CNGB3: variants seen among roughly 807,000 people sequenced by gnomAD.
The protein encoded by CNGB3 is cyclic nucleotide-gated channel beta-3.
CNGB3 carries 86 observed loss-of-function variants against 92.8 expected under a neutral mutation model. That is an observed-to-expected ratio of 0.93 (90% CI 0.78 to 1.11). The LOEUF is 1.11. Among genes scored for constraint, CNGB3 ranks in the 50% least tolerant of loss-of-function variants. The pLI is 0.00. For synonymous variants in CNGB3, 333 were observed against 332.7 expected, an observed-to-expected ratio of 1.00 and a Z score of -0.01; for missense variants, 1,026 against 956.8, an observed-to-expected ratio of 1.07 and a Z score of -0.95.
chr8:86,605,314 T>C (rs571774964), intron 14 of CNGB3, among the ~76,000 whole-genome samples: 64 of 152,336 alleles, frequency 4.2e-4, no homozygotes, highest in African/African-American at 1.5e-3. Context: ...AAAGAATAGA[T>C]GTCTTACAAG....
At chr8:86,639,188 T>C (rs1462943257) in intron 10 of CNGB3, among the ~76,000 whole-genome samples, 1 of 151,990 alleles carries the variant, frequency 6.6e-6, no homozygotes, top group African/African-American at 2.4e-5. Context: ...CATTAGGGAC[T>C]GGGACTGTGG....
At chr8:86,676,389 C>T (rs899776039) in intron 3 of CNGB3, among the ~76,000 whole-genome samples, 2 of 152,046 alleles carry the variant, frequency 1.3e-5, no homozygotes, top group African/African-American at 4.8e-5. Context: ...GGGTGTTCAT[C>T]GCTGCCTAAT....
intron 13 of CNGB3, among the ~76,000 whole-genome samples, chr8:86,613,635 T>C (rs907059067): frequency 1.3e-5 from 2 of 152,074 alleles, no homozygotes; most frequent in Admixed American, 1.3e-4. Flanking sequence ...TGATCAGAAA[T>C]AGAAGATCTC....
chr8:86,724,188 TA>T (rs1406569847), intron 3 of CNGB3, among the ~76,000 whole-genome samples: 1 of 152,086 alleles, frequency 6.6e-6, no homozygotes. Flanking sequence ...AAATAACACT[TA>T]AAAAAAGTCT....
intron 15 of CNGB3, among the ~76,000 whole-genome samples, chr8:86,587,508 T>C (rs1247873041): frequency 5.9e-5 from 9 of 152,202 alleles, no homozygotes; most frequent in Admixed American, 5.9e-4. Flanking sequence ...TTGAATTGAT[T>C]TTTATATAAG....
chr8:86,694,071 G>A (rs1162271004), intron 3 of CNGB3, among the ~76,000 whole-genome samples: 21 of 1,972 alleles, frequency 0.011, no homozygotes, highest in South Asian at 0.027. Flanking sequence ...TGGCCGGGCG[G>A]GGGGGCTGAC....
At chr8:86,604,285 A>T in intron 14 of CNGB3, 74 bp from the exon 15 acceptor site, 1 of 987,598 alleles carries the variant, frequency 1.0e-6, no homozygotes, top group African/African-American at 1.6e-5. Context: ...AAGAAATATA[A>T]ATTCTTTTAG....
chr8:86,713,978 G>C (rs917131615), intron 3 of CNGB3, among the ~76,000 whole-genome samples: 8 of 152,058 alleles, frequency 5.3e-5, no homozygotes, highest in African/African-American at 1.9e-4. Flanking sequence ...TCCCCCAAGA[G>C]AGTGGTACCT....
chr8:86,679,534 CT>C (rs59211727), intron 3 of CNGB3, among the ~76,000 whole-genome samples: 93,862 of 150,770 alleles, frequency 0.62, 30,882 homozygotes, highest in South Asian at 0.87. Context: ...TTTTCTTTTT[CT>C]TTTTTTTTGA....
chr8:86,703,189 A>G (rs1824586911), intron 3 of CNGB3, among the ~76,000 whole-genome samples: 1 of 152,102 alleles, frequency 6.6e-6, no homozygotes, highest in African/African-American at 2.4e-5. Context: ...ATTCCTACTT[A>G]AAACAAGACT....
intron 1 of CNGB3, among the ~76,000 whole-genome samples, chr8:86,742,551 G>A (rs1303932264): frequency 6.6e-6 from 1 of 152,098 alleles, no homozygotes; most frequent in East Asian, 1.9e-4. Context: ...TAGTCCCTGA[G>A]GAGCACTCCT....
At chr8:86,586,082 A>C (rs1821884026) in intron 15 of CNGB3, among the ~76,000 whole-genome samples, 1 of 152,188 alleles carries the variant, frequency 6.6e-6, no homozygotes, top group Non-Finnish European at 1.5e-5. Flanking sequence ...CAATCATGCA[A>C]GGGAAGATAA....
At chr8:86,679,477 T>C (rs1411563956) in intron 3 of CNGB3, among the ~76,000 whole-genome samples, 2 of 152,140 alleles carry the variant, frequency 1.3e-5, no homozygotes, top group Non-Finnish European at 2.9e-5. Context: ...AAGGCCCTAA[T>C]CTGATAGGAT....
At chr8:86,609,344 TG>T (rs1203260273) in intron 14 of CNGB3, among the ~76,000 whole-genome samples, 1 of 152,210 alleles carries the variant, frequency 6.6e-6, no homozygotes, top group Non-Finnish European at 1.5e-5. Flanking sequence ...CACTATGGCT[TG>T]TATTTCCCAT....
Position 86,604,028 on chromosome 8 carries a change from T to C in CNGB3, c.1781+65A>G. 7 of 1,015,366 alleles carry C rather than the reference T, an allele frequency of 6.9e-6. No individual in the cohort carries two copies. In the South Asian group the frequency reaches 9.0e-5, roughly 13 times the overall value. 62.9% of individuals were successfully genotyped at this position (1,015,366 alleles called of 1,614,324 possible). On this transcript the variant is annotated intron_variant, in intron 15 of 17. Coordinates refer to ENST00000320005, the MANE Select transcript of CNGB3 (RefSeq NM_019098.5). Reference sequence around the variant, plus strand: ...AAATCTGAGCGGGAACTTATTTTACTACCTAAGACTTTTCTTTTATGACAA... The same window carrying C: ...AAATCTGAGCGGGAACTTATTTTACCACCTAAGACTTTTCTTTTATGACAA...
intron 15 of CNGB3, among the ~76,000 whole-genome samples, chr8:86,597,749 G>T (rs890161402): frequency 5.3e-5 from 8 of 152,154 alleles, no homozygotes; most frequent in Non-Finnish European, 8.8e-5. Context: ...GGAGGCCGAG[G>T]CAGGTGGATC....
chr8:86,739,623 T>G (rs764478487), intron 2 of CNGB3, 32 bp downstream of exon 2: 3 of 1,285,862 alleles, frequency 2.3e-6, no homozygotes, highest in Non-Finnish European at 3.1e-6. Flanking sequence ...CTTTTTAGTT[T>G]TTTTTTTTTT....
intron 6 of CNGB3, among the ~76,000 whole-genome samples, chr8:86,666,648 C>T (rs1823743594): frequency 6.6e-6 from 1 of 152,188 alleles, no homozygotes; most frequent in African/African-American, 2.4e-5. Context: ...CAGGCCTCAA[C>T]TTATTTAATC....
intron 14 of CNGB3, among the ~76,000 whole-genome samples, chr8:86,610,341 A>G (rs1384596519): frequency 6.6e-6 from 1 of 152,196 alleles, no homozygotes; most frequent in Non-Finnish European, 1.5e-5. Context: ...AAATCATTCT[A>G]AAATTGTTCT....
Sources: allele counts gnomAD v4.1 joint callset (sites outside exome capture counted in the v4.1 genomes callset), GRCh38; gene constraint gnomAD v4.1.1; transcripts MANE v1.5; gene names NCBI Gene and HGNC (gene_info 2026-07-23, HGNC 2026-07-21).